The following SVIL variants were observed in gnomAD, a reference collection of about 807,000 sequenced individuals.
The protein encoded by SVIL is archvillin.
In SVIL, 101 loss-of-function variants were observed where a neutral mutation model predicts 240.4. That is an observed-to-expected ratio of 0.42 (90% CI 0.36 to 0.50). The LOEUF is 0.50. Ranked by LOEUF, SVIL falls within the 20% of genes least tolerant of loss-of-function variation. The pLI, the probability that SVIL is intolerant of heterozygous loss-of-function variation, is 0.01. For missense variants in SVIL, 2,512 were observed against 2,818.7 expected (o/e 0.89, Z 2.46); for synonymous variants, 999 against 1,100.0 (o/e 0.91, Z 1.82).
intron 30 of SVIL, 119 bp from the exon 31 acceptor site, chr10:29,471,362 G>T: frequency 1.3e-6 from 1 of 745,216 alleles, no homozygotes; most frequent in Non-Finnish European, 2.1e-6. Context: ...AAAAGCCATT[G>T]CTAACACTAC....
chr10:29,626,601 C>T (rs1171966269), intron 1 of SVIL, among the ~76,000 whole-genome samples: 2 of 151,918 alleles, frequency 1.3e-5, no homozygotes, highest in Admixed American at 6.6e-5. Flanking sequence ...GGTTTCACAT[C>T]AGGAGAAAAA....
chr10:29,532,052 CT>C lies in SVIL; in HGVS notation c.1958del (p.Glu653GlyfsTer8). The C allele has an allele frequency of 6.2e-7, 1 of 1,614,166 alleles. No individual in the cohort carries two copies. Among genetic ancestry groups the C allele is most frequent in the Non-Finnish European group, 8.5e-7 (1 of 1,180,024 alleles). ...AAGTTATAGGTTGGGTTCTAAATCT[CT>C]CGGAAGTTTTTCTACTTTCACCAGG... The part of the protein sequence containing the change: ...FSPGESRKTS[E>X]RFRTQPITSA... On this transcript the variant is annotated frameshift_variant, in exon 9 of 38. Transcript: ENST00000355867. LOFTEE classifies it high-confidence loss of function.
intron 18 of SVIL, among the ~76,000 whole-genome samples, chr10:29,495,915 C>G (rs2132420537): frequency 6.6e-6 from 1 of 152,258 alleles, no homozygotes; most frequent in East Asian, 1.9e-4. Flanking sequence ...TATCGCTTCC[C>G]TAATCTAAGT....
intron 1 of SVIL, among the ~76,000 whole-genome samples, chr10:29,625,366 T>C (rs1957821175): frequency 1.3e-5 from 2 of 152,214 alleles, no homozygotes; most frequent in Admixed American, 6.5e-5. Context: ...CAACGTTTTA[T>C]AGACCGAATG....
chr10:29,482,722 T>C (rs2132362394), intron 27 of SVIL: 1 of 152,408 alleles, frequency 6.6e-6, no homozygotes, highest in East Asian at 1.9e-4. Flanking sequence ...TTTCAAAATT[T>C]ACACTGTCCC....
intron 32 of SVIL, among the ~76,000 whole-genome samples, chr10:29,469,865 C>T (rs954672155): frequency 6.6e-6 from 1 of 152,248 alleles, no homozygotes; most frequent in Non-Finnish European, 1.5e-5. Context: ...CGGTTTCCCA[C>T]ACTCTTCTTT....
At chr10:29,563,695 C>G (rs1197326922) in intron 2 of SVIL, among the ~76,000 whole-genome samples, 1 of 152,174 alleles carries the variant, frequency 6.6e-6, no homozygotes, top group African/African-American at 2.4e-5. Flanking sequence ...GATCTACACT[C>G]TGTCTTCCAG....
At chr10:29,520,921 A>G (rs1950520489) in intron 16 of SVIL, among the ~76,000 whole-genome samples, 1 of 151,086 alleles carries the variant, frequency 6.6e-6, no homozygotes, top group Non-Finnish European at 1.5e-5. Context: ...TTCCTCTAAA[A>G]AAAAAAAAAA....
chr10:29,473,554 G>A, intron 30 of SVIL: 1 of 476,828 alleles, frequency 2.1e-6, no homozygotes, highest in Non-Finnish European at 3.7e-6. Flanking sequence ...TTGGTTAGGT[G>A]GAAACCTTTC....
chr10:29,519,233 G>T (rs1260067567), intron 16 of SVIL, among the ~76,000 whole-genome samples: 1 of 152,144 alleles, frequency 6.6e-6, no homozygotes, highest in East Asian at 1.9e-4. Context: ...TATTCTCCTG[G>T]TTAGAGCACA....
chr10:29,604,013 G>T (rs1393475223), intron 1 of SVIL, among the ~76,000 whole-genome samples: 1 of 151,974 alleles, frequency 6.6e-6, no homozygotes, highest in Non-Finnish European at 1.5e-5. Context: ...AAATATTTCC[G>T]CCCCCTTCCC....
At chr10:29,631,499 G>A (rs190307274) in intron 1 of SVIL, among the ~76,000 whole-genome samples, 50 of 151,046 alleles carry the variant, frequency 3.3e-4, no homozygotes, top group African/African-American at 1.1e-3. Flanking sequence ...AGAATTAGCC[G>A]GGCGTGGTGG....
At position 29,608,682 on chromosome 10, in the gene SVIL, T is replaced by C. The variant is rs138264698; in HGVS notation, c.-201+25738A>G. ...GCCCTTTCTGGACTTCGGGCAGTGA[T>C]GAGTGTGGGAGGGAGGCTGGGGGCA... On this transcript the variant is annotated intron_variant, in intron 1 of 37. Transcript: ENST00000355867. Among the ~76,000 whole-genome samples the C allele has an allele frequency of 1.1e-3, 161 of 152,266 alleles. 3 individuals are homozygous for C. The East Asian group carries it at 0.029, about 28-fold the overall frequency.
chr10:29,714,995 G>A (rs891670328), intron 1 of SVIL, among the ~76,000 whole-genome samples: 2 of 148,222 alleles, frequency 1.3e-5, no homozygotes, highest in South Asian at 4.3e-4. Flanking sequence ...AAAAGAGAAG[G>A]AAGGAAGGAA....
chr10:29,671,284 C>T (rs541804769), intron 2 of SVIL, among the ~76,000 whole-genome samples: 3 of 152,306 alleles, frequency 2.0e-5, no homozygotes, highest in Admixed American at 6.5e-5. Flanking sequence ...AGTCACGTAG[C>T]CCCGGGATAG....
At chr10:29,699,611 C>T (rs2132639462) in intron 1 of SVIL, among the ~76,000 whole-genome samples, 1 of 152,302 alleles carries the variant, frequency 6.6e-6, no homozygotes, top group Non-Finnish European at 1.5e-5. Flanking sequence ...GCCCAAGTTG[C>T]TCTATTTTTA....
At chr10:29,709,317 G>C (rs368064879) in intron 1 of SVIL, among the ~76,000 whole-genome samples, 13 of 152,286 alleles carry the variant, frequency 8.5e-5, no homozygotes, top group African/African-American at 3.1e-4. Flanking sequence ...TGTCATGTTG[G>C]CACTCAAAAA....
In SVIL at chr10:29,731,663, T is replaced by TA. The variant is rs1221180186; in HGVS notation, c.-400+4087_-400+4088insT. On this transcript the variant is annotated intron_variant, in intron 1 of 35. Coordinates refer to the SVIL transcript ENST00000375400. ...TACCCTAAAATAACATTTATTTGGA[T>TA]TAAAAAAAAATGTTAATTCTGACAT... 1.5e-4 allele frequency among the ~76,000 whole-genome samples: 22 copies of TA among 144,190 alleles called. No individual in the cohort carries two copies. In the East Asian group the frequency reaches 1.6e-3, roughly 10 times the overall value. 94.6% of individuals were successfully genotyped at this position (144,190 alleles called of 152,430 possible).
intron 1 of SVIL, among the ~76,000 whole-genome samples, chr10:29,701,747 T>C (rs1397012935): frequency 6.6e-6 from 1 of 152,210 alleles, no homozygotes; most frequent in African/African-American, 2.4e-5. Flanking sequence ...TGAAATCTTA[T>C]AAGTAAATGG....
Sources: allele counts gnomAD v4.1 joint callset (sites outside exome capture counted in the v4.1 genomes callset), GRCh38; gene constraint gnomAD v4.1.1; transcripts MANE v1.5; gene names NCBI Gene and HGNC (gene_info 2026-07-23, HGNC 2026-07-21).